The following SMARCA5 variants were observed in gnomAD, a reference collection of about 807,000 sequenced individuals.
SMARCA5 encodes SNF2 related chromatin remodeling ATPase 5.
Under a neutral mutation model 140.4 loss-of-function variants are expected in SMARCA5, and 18 were observed. That is an observed-to-expected ratio of 0.13 (90% CI 0.09 to 0.19). The LOEUF (loss-of-function observed/expected upper bound fraction) is 0.19. Among genes scored for constraint, SMARCA5 ranks in the 10% least tolerant of loss-of-function variants. SMARCA5 has a pLI of 1.00. For missense variants in SMARCA5, 606 were observed against 1,276.8 expected (o/e 0.47, Z 8.01); for synonymous variants, 449 against 419.6 (o/e 1.07, Z -0.86).
At chr4:143,517,538 C>A in intron 2 of SMARCA5, 109 bp downstream of exon 2, 1 of 618,814 alleles carries the variant, frequency 1.6e-6, no homozygotes, top group Non-Finnish European at 2.7e-6. Context: ...ATACCACAGA[C>A]TGGGTAATTT....
chr4:143,525,054 T>G lies in SMARCA5; in HGVS notation c.521-397T>G, dbSNP rs147243856. ...TAGGAATTTCCTATTTCTTTTTTTT[T>G]TTTTTTTACTAGAAAGAAAATAAAA... is the stretch of plus-strand genomic sequence containing the variant. On this transcript the variant is annotated intron_variant, in intron 4 of 23. Coordinates refer to ENST00000283131, the MANE Select transcript of SMARCA5 (RefSeq NM_003601.4). Among the ~76,000 whole-genome samples the G allele has an allele frequency of 3.1e-3, 471 of 152,138 alleles. 4 individuals carry two copies. The highest frequency in any genetic ancestry group is 0.011 in the African/African-American group (459 of 41,536).
chr4:143,536,609 A>C lies in SMARCA5; in HGVS notation c.1426A>C (p.Met476Leu), dbSNP rs766684945. 4.3e-6 allele frequency: 7 copies of C among 1,613,768 alleles called. No individual in the cohort carries two copies. The Middle Eastern group carries it at 6.6e-4, about 152-fold the overall frequency. The change falls in exon 11 of 24, where the codon ATG becomes CTG. Residue 476 changes from methionine to leucine, a missense_variant. Met to Leu is a conservative substitution (Grantham distance 15, BLOSUM62 2). Coordinates refer to ENST00000283131, the MANE Select transcript of SMARCA5 (RefSeq NM_003601.4). ...ACCTGGTCCACCTTATACAACAGAT[A>C]TGCATCTAGTAACCAACAGTGGCAA... is the stretch of plus-strand genomic sequence containing the variant. ...AEPGPPYTTD[M>L]HLVTNSGKMV...
Position 143,550,047 on chromosome 4 carries a change from C to A in SMARCA5, c.3036C>A (p.Asn1012Lys). ...TAATTACTTTGATTGAAAGAGAAAACATGGAACTAGAAGAAAAGGAGAAGG... is the reference window on the plus strand; with the variant it reads ...TAATTACTTTGATTGAAAGAGAAAAAATGGAACTAGAAGAAAAGGAGAAGG... ...NTLITLIERENMELEEKEKAE... is the reference protein window; with the variant it reads ...NTLITLIEREKMELEEKEKAE... The change falls in exon 23 of 24, where the codon AAC (asparagine) becomes AAA (lysine). Residue 1012 changes from asparagine (N) to lysine (K), a missense_variant. This residue lies in a region of SMARCA5 where 40 missense variants were observed against 59.8 expected (regional missense o/e 0.67). Coordinates refer to ENST00000283131, the MANE Select transcript of SMARCA5 (RefSeq NM_003601.4). The A allele has an allele frequency of 1.3e-6, 2 of 1,593,406 alleles. No individual in the cohort carries two copies. Among genetic ancestry groups the A allele is most frequent in the Admixed American group, 1.8e-5 (1 of 54,852 alleles).
intron 10 of SMARCA5, among the ~76,000 whole-genome samples, chr4:143,535,839 C>T (rs1369725529): frequency 2.6e-5 from 4 of 152,076 alleles, no homozygotes; most frequent in African/African-American, 9.7e-5. Flanking sequence ...TGTCTACATC[C>T]TTAGTATATG....
At chr4:143,531,892 C>T (rs1737194091) in intron 9 of SMARCA5, among the ~76,000 whole-genome samples, 1 of 152,218 alleles carries the variant, frequency 6.6e-6, no homozygotes, top group South Asian at 2.1e-4. Flanking sequence ...ACTGAACCAG[C>T]CAGGCTGAGG....
chr4:143,527,787 A>G, intron 6 of SMARCA5, 81 bp from the exon 7 acceptor site: 2 of 1,203,852 alleles, frequency 1.7e-6, no homozygotes, highest in Non-Finnish European at 2.3e-6. Context: ...ACCTCTTTTT[A>G]TATACTAGAT....
Position 143,524,503 on chromosome 4 carries a change from C to T in SMARCA5, c.520+36C>T, listed in dbSNP as rs1737028396. 5.1e-6 allele frequency: 7 copies of T among 1,370,512 alleles called. No homozygotes were observed. In the East Asian group the frequency reaches 1.6e-4, roughly 32 times the overall value. 84.9% of individuals were successfully genotyped at this position (1,370,512 alleles called of 1,614,324 possible). On this transcript the variant is annotated intron_variant, in intron 4 of 23. Transcript: ENST00000283131. The stretch of plus-strand genomic sequence containing the variant: ...CACACTTGATTTTTTTAAAAAATTG[C>T]CCTTTGAGATCTCCTTTGGTTAATG...
At chr4:143,518,188 G>A (rs189512638) in intron 2 of SMARCA5, among the ~76,000 whole-genome samples, 16 of 152,208 alleles carry the variant, frequency 1.1e-4, no homozygotes, top group African/African-American at 3.9e-4. Flanking sequence ...TTATATTGGA[G>A]TCATTCAAGT....
chr4:143,551,287 C>T (rs922509057), intron 23 of SMARCA5, among the ~76,000 whole-genome samples: 12 of 151,894 alleles, frequency 7.9e-5, no homozygotes, highest in African/African-American at 2.7e-4. Flanking sequence ...GTTGTTTGAG[C>T]TCTTACATAT....
intron 10 of SMARCA5, among the ~76,000 whole-genome samples, chr4:143,536,185 T>C (rs1188532325): frequency 6.6e-6 from 1 of 152,200 alleles, no homozygotes; most frequent in Admixed American, 6.5e-5. Flanking sequence ...GCTGTAATTC[T>C]ACCCAAGGGA....
chr4:143,528,221 T>C (rs1308365183), intron 7 of SMARCA5, among the ~76,000 whole-genome samples, 198 bp downstream of exon 7: 2 of 152,190 alleles, frequency 1.3e-5, no homozygotes, highest in East Asian at 1.9e-4. Flanking sequence ...GTATTTGTCC[T>C]AATGCTCTCC....
chr4:143,553,327 A>G lies in SMARCA5; in HGVS notation c.*143A>G. On this transcript the variant is annotated 3_prime_UTR_variant, in exon 24 of 24. Transcript: ENST00000283131. ...CTGTTTACTGAGCTAGAAACATAGT[A>G]TGTAGTTTCACTTTTTTAAATGCAA... 3.5e-6 allele frequency: 2 copies of G among 566,824 alleles called. No homozygotes were observed. Among genetic ancestry groups the G allele is most frequent in the Non-Finnish European group, 6.2e-6 (2 of 320,862 alleles). The allele number at this position is 566,824 out of a possible 1,614,324, so 35.1% of individuals were successfully genotyped here.
intron 23 of SMARCA5, 93 bp downstream of exon 23, chr4:143,550,197 C>A: frequency 1.5e-6 from 1 of 652,650 alleles, no homozygotes. Flanking sequence ...TGTGTTAGTC[C>A]CTGTTGTGCA....
intron 4 of SMARCA5, among the ~76,000 whole-genome samples, chr4:143,524,764 A>T (rs1013726165): frequency 1.1e-4 from 17 of 152,230 alleles, no homozygotes; most frequent in African/African-American, 3.6e-4. Context: ...AATTTATTTT[A>T]AAAAAGGTAC....
chr4:143,536,165 A>G (rs1361235140), intron 10 of SMARCA5, among the ~76,000 whole-genome samples: 3 of 152,164 alleles, frequency 2.0e-5, no homozygotes, highest in African/African-American at 7.2e-5. Context: ...TAAAAATATT[A>G]TGTCTTACTG....
At chr4:143,551,204 C>G (rs924231177) in intron 23 of SMARCA5, among the ~76,000 whole-genome samples, 1 of 152,058 alleles carries the variant, frequency 6.6e-6, no homozygotes, top group Non-Finnish European at 1.5e-5. Flanking sequence ...ATTTGTATGT[C>G]TTCCTTTGAG....
In SMARCA5 at chr4:143,524,298, G is replaced by C. The variant is rs866329799; in HGVS notation, c.420-69G>C. 6 of 1,037,344 alleles carry C rather than the reference G, an allele frequency of 5.8e-6. No individual in the cohort carries two copies. The African/African-American group carries it at 8.1e-5, about 14-fold the overall frequency. The allele number at this position is 1,037,344 out of a possible 1,614,324, so 64.3% of individuals were successfully genotyped here. A position where few individuals can be genotyped will look rare whatever the true frequency, so the allele number is the denominator to read the frequency against. On this transcript the variant is annotated intron_variant, in intron 3 of 23. Coordinates refer to ENST00000283131, the MANE Select transcript of SMARCA5 (RefSeq NM_003601.4). Reference sequence around the variant, plus strand: ...GAATCTTGGTCAGCCACTTGACTATGATGTTTAAACAGTAGCTGATAATTA... The same window carrying C: ...GAATCTTGGTCAGCCACTTGACTATCATGTTTAAACAGTAGCTGATAATTA...
Position 143,550,068 on chromosome 4 carries a change from G to A in SMARCA5, c.3057G>A (p.Glu1019=). 6.3e-7 allele frequency: 1 copy of A among 1,587,930 alleles called. No individual in the cohort carries two copies. The highest frequency in any genetic ancestry group is 1.4e-5 in the African/African-American group (1 of 73,046). Residue 1019 remains glutamate (E), a synonymous_variant, in exon 23 of 24, where the codon GAG becomes GAA. Transcript: ENST00000283131. The part of the protein sequence containing the change: ...ERENMELEEK[E]KAEKKKRGPK... ...AAAACATGGAACTAGAAGAAAAGGA[G>A]AAGGCAGAGAAAAAGAAACGAGGAC...
chr4:143,536,085 T>C (rs1482227971), intron 10 of SMARCA5, among the ~76,000 whole-genome samples: 1 of 152,202 alleles, frequency 6.6e-6, no homozygotes, highest in Non-Finnish European at 1.5e-5. Flanking sequence ...AGTGGCACTT[T>C]CTGTTGCAAA....
Sources: allele counts gnomAD v4.1 joint callset (sites outside exome capture counted in the v4.1 genomes callset), GRCh38; gene constraint gnomAD v4.1.1; regional missense constraint gnomAD v4.1.1; transcripts MANE v1.5; gene names NCBI Gene and HGNC (gene_info 2026-07-23, HGNC 2026-07-21).